NUSAP1: variants seen among roughly 807,000 people sequenced by gnomAD.
The protein encoded by NUSAP1 is nucleolar and spindle associated protein 1, also known as nucleolar and spindle-associated protein 1.
Under a neutral mutation model 52.8 loss-of-function variants are expected in NUSAP1, and 32 were observed. That is an observed-to-expected ratio of 0.61 (90% CI 0.46 to 0.81). NUSAP1 has a LOEUF of 0.81. NUSAP1 is among the 40% of genes least tolerant of loss of function. The pLI, the probability that NUSAP1 is intolerant of heterozygous loss-of-function variation, is 0.00. For missense variants in NUSAP1, 499 were observed against 522.3 expected (o/e 0.96, Z 0.43); for synonymous variants, 195 against 183.1 (o/e 1.06, Z -0.52).
chr15:41,371,590 G>A lies in NUSAP1; in HGVS notation c.912G>A (p.Lys304=), dbSNP rs749806612. The A allele has an allele frequency of 1.2e-6, 2 of 1,611,522 alleles. No individual in the cohort carries two copies. Among genetic ancestry groups the A allele is most frequent in the East Asian group, 4.5e-5 (2 of 44,862 alleles). ...CACTGACCAAGACTCCAGCCAGAAAGTCTGCACATGTGACCGTGTCTGGGG... is the reference window on the plus strand; with the variant it reads ...CACTGACCAAGACTCCAGCCAGAAAATCTGCACATGTGACCGTGTCTGGGG... The part of the protein sequence containing the change: ...KRSLTKTPAR[K]SAHVTVSGGT... The change falls in exon 8 of 11, where the codon AAG becomes AAA. Residue 304 remains lysine, a synonymous_variant. Coordinates refer to ENST00000559596, the MANE Select transcript of NUSAP1 (RefSeq NM_016359.5).
At chr15:41,337,738 C>CTGT (rs1217893442) in intron 1 of NUSAP1, among the ~76,000 whole-genome samples, 1 of 152,042 alleles carries the variant, frequency 6.6e-6, no homozygotes, top group Non-Finnish European at 1.5e-5. Flanking sequence ...CAGGCACTTT[C>CTGT]TGTTCTAGGC....
chr15:41,338,058 G>A (rs947202466), intron 1 of NUSAP1, among the ~76,000 whole-genome samples: 22 of 148,306 alleles, frequency 1.5e-4, no homozygotes, highest in African/African-American at 5.3e-4. Flanking sequence ...TCAGCCACCC[G>A]AGTTCCTGGG....
At chr15:41,359,327 A>G (rs992352684) in intron 6 of NUSAP1, among the ~76,000 whole-genome samples, 1 of 152,118 alleles carries the variant, frequency 6.6e-6, no homozygotes, top group African/African-American at 2.4e-5. Context: ...TAACTTCCCT[A>G]TTTCTCAAAA....
At chr15:41,376,308 A>G (rs1595609995) in intron 9 of NUSAP1, among the ~76,000 whole-genome samples, 2 of 151,508 alleles carry the variant, frequency 1.3e-5, no homozygotes, top group Non-Finnish European at 1.5e-5. Context: ...CTGAGGCAGG[A>G]CAATCGCTTG....
rs975737702 is a variant in NUSAP1, at chr15:41,358,194, T to C, written c.596T>C (p.Ile199Thr). 13 of 1,577,996 alleles carry C rather than the reference T, an allele frequency of 8.2e-6. No individual in the cohort carries two copies. Among genetic ancestry groups the C allele is most frequent in the Non-Finnish European group, 7.8e-6 (9 of 1,151,298 alleles). Residue 199 changes from isoleucine to threonine, a missense_variant, in exon 6 of 11, where the codon ATT becomes ACT. Physicochemically the swap from Ile to Thr is moderately conservative, Grantham distance 89 (BLOSUM62 -1). Transcript: ENST00000559596. Reference sequence around the variant, plus strand: ...GCTCATTTTAAGGAAATGGAGTCCATTGATCAATATATTGAGAGAAAAAAG... The same window carrying C: ...GCTCATTTTAAGGAAATGGAGTCCACTGATCAATATATTGAGAGAAAAAAG... ...HEAHFKEMESIDQYIERKKKH... is the reference protein window; with the variant it reads ...HEAHFKEMESTDQYIERKKKH...
intron 7 of NUSAP1, 107 bp downstream of exon 7, chr15:41,365,696 A>C (rs1207091442): frequency 5.9e-6 from 4 of 682,882 alleles, no homozygotes; most frequent in African/African-American, 1.9e-5. Flanking sequence ...CATAGGGTAC[A>C]TAGTGATGTT....
At chr15:41,369,788 C>T (rs548379527) in intron 7 of NUSAP1, among the ~76,000 whole-genome samples, 115 of 152,198 alleles carry the variant, frequency 7.6e-4, no homozygotes, top group African/African-American at 2.7e-3. Context: ...ACAAATTAGA[C>T]CAGGCATGGT....
intron 4 of NUSAP1, among the ~76,000 whole-genome samples, chr15:41,351,683 A>G (rs139857479): frequency 6.6e-5 from 10 of 152,288 alleles, no homozygotes; most frequent in African/African-American, 2.4e-4. Context: ...GCTACTCAGG[A>G]GGCTGAGGTG....
intron 7 of NUSAP1, among the ~76,000 whole-genome samples, chr15:41,369,453 G>T (rs2049565854): frequency 6.6e-6 from 1 of 151,852 alleles, no homozygotes; most frequent in South Asian, 2.1e-4. Flanking sequence ...TTCAAGACCA[G>T]CCATGACCAA....
At chr15:41,376,021 G>A (rs372711626) in intron 9 of NUSAP1, among the ~76,000 whole-genome samples, 193 bp downstream of exon 9, 11 of 151,784 alleles carry the variant, frequency 7.2e-5, no homozygotes, top group East Asian at 1.9e-4. Context: ...AGCCGAGACC[G>A]TGCCACTGCA....
At chr15:41,353,305 C>T (rs1408609455) in intron 4 of NUSAP1, among the ~76,000 whole-genome samples, 1 of 152,056 alleles carries the variant, frequency 6.6e-6, no homozygotes, top group African/African-American at 2.4e-5. Flanking sequence ...TGTGCACCAC[C>T]ATGTTTTTGT....
At chr15:41,379,014 T>C (rs1595619581) in intron 10 of NUSAP1, among the ~76,000 whole-genome samples, 2 of 128,198 alleles carry the variant, frequency 1.6e-5, no homozygotes, top group South Asian at 5.6e-4. Context: ...AGTGTGGTGG[T>C]GCGATCTTGG....
chr15:41,348,118 G>A (rs541508327), intron 2 of NUSAP1, among the ~76,000 whole-genome samples: 399 of 152,128 alleles, frequency 2.6e-3, no homozygotes, highest in Middle Eastern at 0.014. Flanking sequence ...GCAAGACCTT[G>A]TCTCTAAAAA....
intron 7 of NUSAP1, among the ~76,000 whole-genome samples, chr15:41,369,755 T>C (rs2049586698): frequency 6.6e-6 from 1 of 152,020 alleles, no homozygotes; most frequent in African/African-American, 2.4e-5. Flanking sequence ...TGAAGGCTCA[T>C]TGTTATTTTA....
chr15:41,358,791 T>C (rs1028737519), intron 6 of NUSAP1, among the ~76,000 whole-genome samples: 16 of 152,310 alleles, frequency 1.1e-4, no homozygotes, highest in Non-Finnish European at 2.2e-4. Flanking sequence ...AATGGCAATG[T>C]CATTCTACTT....
At chr15:41,372,438 G>T (rs1000967099) in intron 8 of NUSAP1, among the ~76,000 whole-genome samples, 1 of 152,110 alleles carries the variant, frequency 6.6e-6, no homozygotes, top group African/African-American at 2.4e-5. Context: ...TACTATTCAC[G>T]AACATGTGGG....
chr15:41,346,084 A>G (rs1278132856), intron 2 of NUSAP1, among the ~76,000 whole-genome samples: 1 of 150,922 alleles, frequency 6.6e-6, no homozygotes, highest in Non-Finnish European at 1.5e-5. Context: ...GGGATTACAG[A>G]TGCACACCAC....
Position 41,349,399 on chromosome 15 carries a change from A to C in NUSAP1, c.306+158A>C, listed in dbSNP as rs1482229397. 15 of 635,678 alleles carry C rather than the reference A, an allele frequency of 2.4e-5. No individual in the cohort carries two copies. The East Asian group carries it at 4.2e-4, about 18-fold the overall frequency. 39.4% of individuals were successfully genotyped at this position (635,678 alleles called of 1,614,324 possible). A position where few individuals can be genotyped will look rare whatever the true frequency, so the allele number is the denominator to read the frequency against. On this transcript the variant is annotated intron_variant, in intron 3 of 10. Transcript: ENST00000559596. The stretch of plus-strand genomic sequence containing the variant: ...AGCCCAGACCCAAGTCCAGCTGCTC[A>C]TCACTGCATCCCAGGGCTTGGGCCT...
chr15:41,356,677 A>G (rs1290219767), intron 5 of NUSAP1, among the ~76,000 whole-genome samples: 1 of 152,122 alleles, frequency 6.6e-6, no homozygotes, highest in Non-Finnish European at 1.5e-5. Context: ...CATCAGGTTG[A>G]TAGATACATA....
Sources: gnomAD v4.1 joint callset for allele counts (sites outside exome capture counted in the v4.1 genomes callset) on GRCh38, gnomAD v4.1.1 for gene constraint, MANE v1.5 for transcripts, NCBI Gene and HGNC (gene_info 2026-07-23, HGNC 2026-07-21) for gene names.